CUL1: variants seen among roughly 807,000 people sequenced by gnomAD.
CUL1 encodes the protein cullin 1.
A neutral mutation model predicts 118.0 loss-of-function variants in CUL1; 24 were observed. The observed-to-expected ratio is 0.20, with a 90% CI of 0.15 to 0.29. CUL1 has a LOEUF of 0.29. Ranked by LOEUF, CUL1 falls within the 10% of genes least tolerant of loss-of-function variation. The pLI is 1.00. For missense variants in CUL1, 361 were observed against 933.8 expected (o/e 0.39, Z 7.99); for synonymous variants, 332 against 340.4 (o/e 0.98, Z 0.27).
intron 2 of CUL1, among the ~76,000 whole-genome samples, chr7:148,749,615 C>T (rs1215406465): frequency 1.3e-5 from 2 of 152,130 alleles, no homozygotes; most frequent in Non-Finnish European, 2.9e-5. Flanking sequence ...TGTGTCTGCT[C>T]CACCGACTGG....
At chr7:148,764,973 G>C (rs946102087) in intron 7 of CUL1, among the ~76,000 whole-genome samples, 1 of 152,066 alleles carries the variant, frequency 6.6e-6, no homozygotes, top group South Asian at 2.1e-4. Context: ...TATAATAACT[G>C]CCTCTTATTG....
At chr7:148,795,606 A>C (rs1414017184) in intron 17 of CUL1, among the ~76,000 whole-genome samples, 1 of 152,020 alleles carries the variant, frequency 6.6e-6, no homozygotes, top group African/African-American at 2.4e-5. Flanking sequence ...CTCTACTAAA[A>C]ATACAAAAAC....
At chr7:148,796,819 C>T (rs115874484) in intron 17 of CUL1, among the ~76,000 whole-genome samples, 8 of 152,300 alleles carry the variant, frequency 5.3e-5, no homozygotes, top group African/African-American at 1.7e-4. Context: ...GGCACCCCCG[C>T]ACCCTGCTCT....
chr7:148,766,466 G>C, intron 7 of CUL1, 95 bp from the exon 8 acceptor site: 4 of 1,071,210 alleles, frequency 3.7e-6, no homozygotes, highest in Non-Finnish European at 5.3e-6. Context: ...AATTTAATTT[G>C]CCATTTTTCA....
At chr7:148,779,735 G>A (rs1016635082) in intron 9 of CUL1, among the ~76,000 whole-genome samples, 5 of 152,202 alleles carry the variant, frequency 3.3e-5, no homozygotes, top group African/African-American at 1.2e-4. Flanking sequence ...TACAAGTTGT[G>A]ATGATTAATA....
chr7:148,756,860 AAAG>A, intron 3 of CUL1, 120 bp from the exon 4 acceptor site: 1 of 533,670 alleles, frequency 1.9e-6, no homozygotes, highest in East Asian at 3.2e-5. Context: ...AGAATAATTT[AAAG>A]AAGCCATCTA....
intron 1 of CUL1, among the ~76,000 whole-genome samples, chr7:148,703,503 T>C (rs1797782344): frequency 1.3e-5 from 2 of 152,006 alleles, no homozygotes; most frequent in African/African-American, 4.8e-5. Flanking sequence ...GTATAAAGTG[T>C]GTATGTACTA....
chr7:148,766,279 C>T (rs563708832), intron 7 of CUL1, among the ~76,000 whole-genome samples: 6 of 152,166 alleles, frequency 3.9e-5, no homozygotes, highest in East Asian at 3.9e-4. Context: ...GGACTACAGG[C>T]GCGTGCCACA....
chr7:148,756,004 G>A (rs1388899887), intron 3 of CUL1, among the ~76,000 whole-genome samples: 1 of 152,122 alleles, frequency 6.6e-6, no homozygotes, highest in African/African-American at 2.4e-5. Context: ...CACCTAAATG[G>A]CAGTGCTGCC....
At chr7:148,750,407 G>A (rs1274340732) in intron 2 of CUL1, among the ~76,000 whole-genome samples, 3 of 151,446 alleles carry the variant, frequency 2.0e-5, no homozygotes, top group Non-Finnish European at 4.4e-5. Context: ...CCATTAACTC[G>A]TCATTTACAT....
chr7:148,780,512 T>C (rs768911150), intron 9 of CUL1, among the ~76,000 whole-genome samples: 12 of 151,826 alleles, frequency 7.9e-5, no homozygotes, highest in Non-Finnish European at 1.8e-4. Context: ...GCTGGGTGAG[T>C]GGTGGCACTT....
At chr7:148,699,231 C>T (rs914272575) in intron 1 of CUL1, among the ~76,000 whole-genome samples, 1 of 151,970 alleles carries the variant, frequency 6.6e-6, no homozygotes, top group Non-Finnish European at 1.5e-5. Context: ...CCGAAGGTGG[C>T]AGAGGAGCGA....
intron 9 of CUL1, among the ~76,000 whole-genome samples, chr7:148,771,111 T>G (rs1170895819): frequency 6.6e-6 from 1 of 152,204 alleles, no homozygotes; most frequent in Non-Finnish European, 1.5e-5. Flanking sequence ...AAATGTGTAA[T>G]ATCAGTCCCG....
intron 15 of CUL1, 62 bp from the exon 16 acceptor site, chr7:148,790,248 G>T (rs1399701545): frequency 1.3e-6 from 2 of 1,573,760 alleles, no homozygotes; most frequent in Non-Finnish European, 1.7e-6. Flanking sequence ...GCTTTACTTA[G>T]AAACGCTGCC....
intron 9 of CUL1, among the ~76,000 whole-genome samples, chr7:148,780,561 G>A (rs1800590312): frequency 6.6e-6 from 1 of 152,224 alleles, no homozygotes; most frequent in African/African-American, 2.4e-5. Flanking sequence ...CTGGGGAGCA[G>A]ATCAGGCCAT....
intron 1 of CUL1, among the ~76,000 whole-genome samples, chr7:148,705,126 C>A (rs1350894950): frequency 2.0e-5 from 3 of 152,052 alleles, no homozygotes; most frequent in Non-Finnish European, 4.4e-5. Flanking sequence ...TACTTTAGTC[C>A]CCTCATTTAA....
chr7:148,799,165 T>C (rs1801306939), intron 20 of CUL1, 110 bp from the exon 21 acceptor site: 1 of 686,244 alleles, frequency 1.5e-6, no homozygotes, highest in East Asian at 2.8e-5. Flanking sequence ...GTTAGGAAAT[T>C]GTGATCCTGT....
At chr7:148,706,235 G>A (rs1797876529) in intron 1 of CUL1, among the ~76,000 whole-genome samples, 1 of 152,172 alleles carries the variant, frequency 6.6e-6, no homozygotes, top group Admixed American at 6.5e-5. Flanking sequence ...AAAGACTTCT[G>A]GACCCAAGCA....
intron 2 of CUL1, among the ~76,000 whole-genome samples, chr7:148,753,118 C>G (rs2129460321): frequency 6.6e-6 from 1 of 152,270 alleles, no homozygotes; most frequent in African/African-American, 2.4e-5. Context: ...TTAGAAATAT[C>G]TTGCCCTCAT....
Sources: gnomAD v4.1 joint callset for allele counts (sites outside exome capture counted in the v4.1 genomes callset) on GRCh38, gnomAD v4.1.1 for gene constraint, MANE v1.5 for transcripts, NCBI Gene and HGNC (gene_info 2026-07-23, HGNC 2026-07-21) for gene names.